IQSEC1: variants seen among roughly 807,000 people sequenced by gnomAD.
The protein encoded by IQSEC1 is IQ motif and Sec7 domain ArfGEF 1.
A neutral mutation model predicts 91.0 loss-of-function variants in IQSEC1; 31 were observed. That is an observed-to-expected ratio of 0.34 (90% CI 0.26 to 0.46). The LOEUF is 0.46. Ranked by LOEUF, IQSEC1 falls within the 20% of genes least tolerant of loss-of-function variation. The pLI, the probability that IQSEC1 is intolerant of heterozygous loss-of-function variation, is 1.00. For missense variants in IQSEC1, 1,388 were observed against 1,575.6 expected (o/e 0.88, Z 2.02); for synonymous variants, 699 against 662.6 (o/e 1.05, Z -0.84).
At chr3:12,921,748 G>C (rs1183138996) in intron 5 of IQSEC1, among the ~76,000 whole-genome samples, 3 of 152,244 alleles carry the variant, frequency 2.0e-5, no homozygotes, top group Non-Finnish European at 4.4e-5. Flanking sequence ...TGAATGACTA[G>C]ATAGATGGAC....
At chr3:13,250,788 C>T (rs937891283) in intron 1 of IQSEC1, among the ~76,000 whole-genome samples, 1 of 151,932 alleles carries the variant, frequency 6.6e-6, no homozygotes, top group Non-Finnish European at 1.5e-5. Flanking sequence ...CAAGGGACAT[C>T]CAGAACCCAG....
chr3:13,155,129 A>G (rs1273645637), intron 2 of IQSEC1, among the ~76,000 whole-genome samples: 2 of 152,228 alleles, frequency 1.3e-5, no homozygotes, highest in African/African-American at 4.8e-5. Context: ...AATAATAAAG[A>G]TTATAGCAGA....
At chr3:12,956,467 AAATT>A (rs1277282400) in intron 1 of IQSEC1, among the ~76,000 whole-genome samples, 7 of 152,340 alleles carry the variant, frequency 4.6e-5, no homozygotes, top group African/African-American at 1.2e-4. Context: ...AGGCTCTAGC[AAATT>A]AATACCGTCG....
At chr3:13,219,573 CG>C (rs1694618688) in intron 1 of IQSEC1, among the ~76,000 whole-genome samples, 1 of 152,260 alleles carries the variant, frequency 6.6e-6, no homozygotes, top group Admixed American at 6.5e-5. Flanking sequence ...AACACCCACC[CG>C]GCGGTCTTCG....
chr3:13,185,909 TG>T (rs1244534157), intron 1 of IQSEC1, among the ~76,000 whole-genome samples: 15 of 152,278 alleles, frequency 9.9e-5, no homozygotes, highest in Non-Finnish European at 1.6e-4. Context: ...AGGGCAGAAC[TG>T]CTGCAGGGCA....
chr3:13,041,467 G>A (rs1429311334), intron 1 of IQSEC1, among the ~76,000 whole-genome samples: 1 of 152,196 alleles, frequency 6.6e-6, no homozygotes, highest in Admixed American at 6.5e-5. Flanking sequence ...GCTAATGGCC[G>A]CAGACTTCAC....
At chr3:12,939,162 A>T (rs1052291093) in intron 2 of IQSEC1, among the ~76,000 whole-genome samples, 3 of 152,118 alleles carry the variant, frequency 2.0e-5, no homozygotes, top group African/African-American at 7.2e-5. Context: ...CAAGACACTC[A>T]GCGGAGGGAA....
rs141360868 is a variant in IQSEC1, at chr3:13,125,426, T to A, written c.302+38678A>T. ...TGTTGCTTAAATCACAGTCATCTAA[T>A]GAGTAGGCATTCCCTCCTTCACGGT... On this transcript the variant is annotated intron_variant, in intron 2 of 15. Coordinates refer to the IQSEC1 transcript ENST00000648114. Among the ~76,000 whole-genome samples the A allele has an allele frequency of 3.1e-3, 471 of 152,348 alleles. 2 individuals are homozygous for A. The highest frequency in any genetic ancestry group is 6.5e-3 in the Admixed American group (100 of 15,306).
intron 2 of IQSEC1, among the ~76,000 whole-genome samples, chr3:13,147,280 T>C (rs1009900692): frequency 2.0e-5 from 3 of 152,216 alleles, no homozygotes; most frequent in Non-Finnish European, 4.4e-5. Context: ...GTAGTGTACA[T>C]TGTACCTGAT....
At chr3:13,117,127 C>T (rs1171476200) in intron 2 of IQSEC1, among the ~76,000 whole-genome samples, 8 of 150,806 alleles carry the variant, frequency 5.3e-5, no homozygotes, top group African/African-American at 2.0e-4. Flanking sequence ...AGTGTCACAA[C>T]TCAACAACCA....
At chr3:13,070,271 C>T (rs1246437645) in intron 1 of IQSEC1, among the ~76,000 whole-genome samples, 1 of 152,234 alleles carries the variant, frequency 6.6e-6, no homozygotes, top group East Asian at 1.9e-4. Context: ...CAAGTTCCTT[C>T]CCCTCTCTGA....
Position 12,900,232 on chromosome 3 carries a change from T to G in IQSEC1, c.*751A>C. 4 of 984,108 alleles carry G rather than the reference T, an allele frequency of 4.1e-6. No individual in the cohort carries two copies. In the South Asian group the frequency reaches 1.9e-4, roughly 46 times the overall value. The allele number at this position is 984,108 out of a possible 1,614,324, so 61.0% of individuals were successfully genotyped here. ...ATGCTATGTTACTTGGCACAGTTAG[T>G]AATGATTGTGTAAAGATTTTAGCCA... On this transcript the variant is annotated 3_prime_UTR_variant, in exon 14 of 14. Coordinates refer to ENST00000613206, the MANE Select transcript of IQSEC1 (RefSeq NM_001134382.3).
intron 1 of IQSEC1, among the ~76,000 whole-genome samples, chr3:13,170,167 T>C (rs1559269077): frequency 6.6e-6 from 1 of 152,214 alleles, no homozygotes; most frequent in Non-Finnish European, 1.5e-5. Flanking sequence ...ATTCCAGCCA[T>C]GGCTGAAAGG....
chr3:12,899,756 AC>A lies in IQSEC1; in HGVS notation c.*1226del. 1.0e-6 allele frequency: 1 copy of A among 985,340 alleles called. No individual in the cohort carries two copies. Among genetic ancestry groups the A allele is most frequent in the Non-Finnish European group, 1.2e-6 (1 of 829,908 alleles). The allele number at this position is 985,340 out of a possible 1,614,324, so 61.0% of individuals were successfully genotyped here. ...CCTGGGTTGCTAAACGCTAAAGTCAACCTTCAGGTTCGAGAGTGGTTCCTGA... is the reference window on the plus strand; with the variant it reads ...CCTGGGTTGCTAAACGCTAAAGTCAACTTCAGGTTCGAGAGTGGTTCCTGA... On this transcript the variant is annotated 3_prime_UTR_variant, in exon 14 of 14. Transcript: ENST00000613206.
chr3:12,982,185 C>T (rs1701497291), intron 1 of IQSEC1, among the ~76,000 whole-genome samples: 1 of 152,152 alleles, frequency 6.6e-6, no homozygotes, highest in South Asian at 2.1e-4. Flanking sequence ...CATATTGGAA[C>T]CCACCATCAG....
At chr3:12,934,289 T>G (rs1281236744) in intron 3 of IQSEC1, among the ~76,000 whole-genome samples, 6 of 152,218 alleles carry the variant, frequency 3.9e-5, no homozygotes, top group Non-Finnish European at 7.4e-5. Flanking sequence ...CATTGCCCCT[T>G]ACTGGCCCCA....
rs1003800445 is a variant in IQSEC1, at chr3:12,994,079, A to G, written c.24-52214T>C. 1.4e-5 allele frequency among the ~76,000 whole-genome samples: 2 copies of G among 144,718 alleles called. 1 individual carries two copies. The highest frequency in any genetic ancestry group is 1.4e-4 in the Admixed American group (2 of 14,716). The allele number at this position is 144,718 out of a possible 152,430, so 94.9% of individuals were successfully genotyped here. ...CGCGTCCCCCGCCGGCCCGCCTCCT[A>G]CCTCGCGGGTCCGCCCGCAGCCGCC... On this transcript the variant is annotated intron_variant, in intron 1 of 13. Coordinates refer to ENST00000613206, the MANE Select transcript of IQSEC1 (RefSeq NM_001134382.3). The surrounding 1 kb of genome is among the most constrained non-coding windows in gnomAD (Gnocchi z 4.5).
At chr3:13,277,077 C>T (rs928554117) in intron 1 of IQSEC1, among the ~76,000 whole-genome samples, 11 of 131,724 alleles carry the variant, frequency 8.4e-5, no homozygotes, top group African/African-American at 3.0e-4. Context: ...TGGTGCACTT[C>T]CCAAGTTAGG....
At chr3:13,186,204 T>C (rs1251810604) in intron 1 of IQSEC1, among the ~76,000 whole-genome samples, 1 of 152,196 alleles carries the variant, frequency 6.6e-6, no homozygotes. Context: ...CTGGAACGTC[T>C]GCTCCCTGAG....
Sources: gnomAD v4.1 joint callset for allele counts (sites outside exome capture counted in the v4.1 genomes callset) on GRCh38, gnomAD v4.1.1 for gene constraint, Gnocchi (gnomAD v3.1) non-coding constraint, MANE v1.5 for transcripts, NCBI Gene and HGNC (gene_info 2026-07-23, HGNC 2026-07-21) for gene names.